SLC30A6: variants seen among roughly 807,000 people sequenced by gnomAD.
SLC30A6 encodes the protein solute carrier family 30 member 6.
In SLC30A6, 55 loss-of-function variants were observed where a neutral mutation model predicts 63.0. The observed-to-expected ratio is 0.87, with a 90% CI of 0.70 to 1.09. SLC30A6 has a LOEUF of 1.09. Among genes scored for constraint, SLC30A6 ranks in the 50% least tolerant of loss-of-function variants. The probability of loss-of-function intolerance (pLI) is 0.00; values close to 1 mark genes in which losing one functional copy is unlikely to be tolerated. For synonymous variants in SLC30A6, 224 were observed against 186.1 expected, an observed-to-expected ratio of 1.20 and a Z score of -1.66; for missense variants, 587 against 549.2, an observed-to-expected ratio of 1.07 and a Z score of -0.69.
chr2:32,200,843 AAT>A (rs766655186), intron 10 of SLC30A6, among the ~76,000 whole-genome samples: 6 of 148,622 alleles, frequency 4.0e-5, no homozygotes, highest in African/African-American at 7.3e-5. Flanking sequence ...AGAAAAAAAT[AAT>A]AATAATAATA....
At position 32,222,684 on chromosome 2, in the gene SLC30A6, G is replaced by A. The variant is rs566793701; in HGVS notation, c.*1971G>A. 1 of 152,314 alleles carries A rather than the reference G, an allele frequency of 6.6e-6. No individual in the cohort carries two copies. Among genetic ancestry groups the A allele is most frequent in the Non-Finnish European group, 1.5e-5 (1 of 68,032 alleles). 9.4% of individuals were successfully genotyped at this position (152,314 alleles called of 1,614,324 possible). On this transcript the variant is annotated 3_prime_UTR_variant, in exon 14 of 14. Coordinates refer to ENST00000282587, the MANE Select transcript of SLC30A6 (RefSeq NM_017964.5). ...TGGGGAAAATGATACTTCGTAAAAT[G>A]TAATAAGGCAACCTGTTCCTTGGCC...
At chr2:32,188,319 C>G (rs1683015610) in intron 5 of SLC30A6, among the ~76,000 whole-genome samples, 1 of 152,198 alleles carries the variant, frequency 6.6e-6, no homozygotes, top group African/African-American at 2.4e-5. Flanking sequence ...TGGTTAATCT[C>G]TTGTCACATC....
In SLC30A6 at chr2:32,222,412, A is replaced by G. The variant is rs1686189181; in HGVS notation, c.*1699A>G. On this transcript the variant is annotated 3_prime_UTR_variant, in exon 14 of 14. Transcript: ENST00000282587. ...AGAAGATTTTTGTTTTTCTTTTGCAACAGTTTCTTCAGTCAACTCATTCAC... is the reference window on the plus strand; with the variant it reads ...AGAAGATTTTTGTTTTTCTTTTGCAGCAGTTTCTTCAGTCAACTCATTCAC... 6.6e-6 allele frequency: 1 copy of G among 152,208 alleles called. No individual in the cohort carries two copies. Among genetic ancestry groups the G allele is most frequent in the Admixed American group, 6.5e-5 (1 of 15,276 alleles). 9.4% of individuals were successfully genotyped at this position (152,208 alleles called of 1,614,324 possible).
At chr2:32,168,845 G>T (rs954545363) in intron 1 of SLC30A6, among the ~76,000 whole-genome samples, 2 of 152,170 alleles carry the variant, frequency 1.3e-5, no homozygotes, top group African/African-American at 4.8e-5. Context: ...GGAAATTCAG[G>T]TTGTAAAATT....
At chr2:32,177,065 G>T (rs142544593) in intron 4 of SLC30A6, among the ~76,000 whole-genome samples, 1 of 152,000 alleles carries the variant, frequency 6.6e-6, no homozygotes, top group Admixed American at 6.6e-5. Flanking sequence ...GAGCCACCAC[G>T]CCTGACCTAC....
At chr2:32,200,781 T>C (rs1431258285) in intron 10 of SLC30A6, among the ~76,000 whole-genome samples, 1 of 152,018 alleles carries the variant, frequency 6.6e-6, no homozygotes, top group Non-Finnish European at 1.5e-5. Context: ...ACTGTTGTCC[T>C]GTGACCCTGC....
intron 13 of SLC30A6, among the ~76,000 whole-genome samples, chr2:32,215,487 G>T (rs1303772003): frequency 6.8e-6 from 1 of 146,090 alleles, no homozygotes; most frequent in Non-Finnish European, 1.5e-5. Flanking sequence ...GAGCTACCAT[G>T]CCTGGCCATC....
At chr2:32,201,825 T>G in intron 10 of SLC30A6, 1 of 1,423,826 alleles carries the variant, frequency 7.0e-7, no homozygotes, top group Non-Finnish European at 9.8e-7. Flanking sequence ...CAAGCCACCA[T>G]TATGACTCAG....
At chr2:32,192,796 T>C in intron 6 of SLC30A6, 122 bp from the exon 7 acceptor site, 1 of 581,192 alleles carries the variant, frequency 1.7e-6, no homozygotes, top group Non-Finnish European at 2.9e-6. Flanking sequence ...TCACTGCTAA[T>C]AGTTAATAGT....
Position 32,224,251 on chromosome 2 carries a change from C to T in SLC30A6, c.*3538C>T. 2.1e-6 allele frequency: 1 copy of T among 479,394 alleles called. No homozygotes were observed. Among genetic ancestry groups the T allele is most frequent in the East Asian group, 3.3e-5 (1 of 30,034 alleles). The allele number at this position is 479,394 out of a possible 1,614,324, so 29.7% of individuals were successfully genotyped here. On this transcript the variant is annotated 3_prime_UTR_variant, in exon 14 of 14. Transcript: ENST00000282587. ...GCATTCAGTATACCAGTTGGTGTGACCCAGACCAAAGGTAACACAAAGATG... is the reference window on the plus strand; with the variant it reads ...GCATTCAGTATACCAGTTGGTGTGATCCAGACCAAAGGTAACACAAAGATG...
chr2:32,203,124 T>C (rs1300655629), intron 10 of SLC30A6: 16 of 1,301,764 alleles, frequency 1.2e-5, no homozygotes, highest in Non-Finnish European at 1.8e-5. Flanking sequence ...TTTTAAAGTT[T>C]TGGTGGCAAC....
chr2:32,175,087 G>A (rs1326745742), intron 3 of SLC30A6, among the ~76,000 whole-genome samples: 5 of 151,982 alleles, frequency 3.3e-5, no homozygotes, highest in Non-Finnish European at 5.9e-5. Flanking sequence ...AACATTCATT[G>A]CTTCATTTTT....
At chr2:32,192,658 C>T (rs188127010) in intron 6 of SLC30A6, among the ~76,000 whole-genome samples, 340 of 152,146 alleles carry the variant, frequency 2.2e-3, no homozygotes, top group African/African-American at 7.7e-3. Context: ...TTCAGTCAGG[C>T]ATGTTTGATG....
At chr2:32,201,313 G>A (rs1468825378) in intron 10 of SLC30A6, among the ~76,000 whole-genome samples, 1 of 152,204 alleles carries the variant, frequency 6.6e-6, no homozygotes, top group African/African-American at 2.4e-5. Flanking sequence ...ACTTCAGCCA[G>A]TTTGAATTGT....
intron 4 of SLC30A6, among the ~76,000 whole-genome samples, chr2:32,180,248 T>A (rs1031525618): frequency 1.3e-5 from 2 of 151,918 alleles, no homozygotes; most frequent in African/African-American, 4.8e-5. Flanking sequence ...CAAAAAATTT[T>A]AAAAATTAGC....
At chr2:32,204,050 A>G (rs1468487285) in intron 10 of SLC30A6, 10 of 592,684 alleles carry the variant, frequency 1.7e-5, no homozygotes, top group East Asian at 3.0e-5. Context: ...CTGCCTAATC[A>G]TGTATATTAT....
intron 5 of SLC30A6, among the ~76,000 whole-genome samples, chr2:32,190,323 G>A (rs749966334): frequency 2.0e-4 from 31 of 152,002 alleles, no homozygotes; most frequent in Non-Finnish European, 3.8e-4. Context: ...GCCACACATG[G>A]TGGTGGGTGC....
chr2:32,202,216 C>A lies in SLC30A6; in HGVS notation c.666-2374C>A. 3.7e-6 allele frequency: 3 copies of A among 818,702 alleles called. No individual in the cohort carries two copies. The South Asian group carries it at 5.1e-5, about 14-fold the overall frequency. The allele number at this position is 818,702 out of a possible 1,614,324, so 50.7% of individuals were successfully genotyped here. A position where few individuals can be genotyped will look rare whatever the true frequency, so the allele number is the denominator to read the frequency against. On this transcript the variant is annotated intron_variant, in intron 10 of 13. Coordinates refer to ENST00000282587, the MANE Select transcript of SLC30A6 (RefSeq NM_017964.5). ...TCCTGTTCAAGTTAAGACCTTTGGTCCTGTATATGAAGGAAAAGATTTAAT... is the reference window on the plus strand; with the variant it reads ...TCCTGTTCAAGTTAAGACCTTTGGTACTGTATATGAAGGAAAAGATTTAAT...
chr2:32,168,684 TATGAATAAGAGCTTGGGTTA>T (rs1359304272), intron 1 of SLC30A6, among the ~76,000 whole-genome samples: 1 of 152,196 alleles, frequency 6.6e-6, no homozygotes, highest in East Asian at 1.9e-4. Context: ...TTTGTCATTA[TATGAATAAGAGCTTGGGTTA>T]GACAGATCTG....
Sources: allele counts gnomAD v4.1 joint callset (sites outside exome capture counted in the v4.1 genomes callset), GRCh38; gene constraint gnomAD v4.1.1; transcripts MANE v1.5; gene names NCBI Gene and HGNC (gene_info 2026-07-23, HGNC 2026-07-21).